Variants in TRIM44 observed in about 807,000 individuals in gnomAD.
The protein encoded by TRIM44 is tripartite motif-containing protein 44.
In TRIM44, 13 loss-of-function variants were observed where a neutral mutation model predicts 37.4. The observed-to-expected ratio is 0.35, with a 90% CI of 0.23 to 0.55. The LOEUF is 0.55. Ranked by LOEUF, TRIM44 falls within the 20% of genes least tolerant of loss-of-function variation. The pLI is 0.89. For missense variants in TRIM44, 426 were observed against 437.2 expected (o/e 0.97, Z 0.23); for synonymous variants, 175 against 157.2 (o/e 1.11, Z -0.85).
chr11:35,793,273 C>A (rs1853240999), intron 4 of TRIM44, among the ~76,000 whole-genome samples: 1 of 152,064 alleles, frequency 6.6e-6, no homozygotes, highest in African/African-American at 2.4e-5. Flanking sequence ...ACGTGTAATC[C>A]CAGCACTTTG....
At chr11:35,699,363 C>G (rs1455832261) in intron 2 of TRIM44, among the ~76,000 whole-genome samples, 1 of 152,148 alleles carries the variant, frequency 6.6e-6, no homozygotes, top group Non-Finnish European at 1.5e-5. Flanking sequence ...ACATGATTAT[C>G]TCAATAGTTA....
At chr11:35,726,949 C>T (rs1852182567) in intron 3 of TRIM44, among the ~76,000 whole-genome samples, 1 of 151,486 alleles carries the variant, frequency 6.6e-6, no homozygotes, top group South Asian at 2.1e-4. Context: ...TGCTTGAGTC[C>T]AGGAGTTTGA....
At chr11:35,665,180 T>G (rs1851317508) in intron 1 of TRIM44, among the ~76,000 whole-genome samples, 1 of 152,146 alleles carries the variant, frequency 6.6e-6, no homozygotes, top group African/African-American at 2.4e-5. Context: ...TTACAAACAA[T>G]GTCAGTGTAA....
chr11:35,778,057 A>T (rs952181253), intron 4 of TRIM44, among the ~76,000 whole-genome samples: 3 of 152,204 alleles, frequency 2.0e-5, no homozygotes, highest in African/African-American at 2.4e-5. Context: ...GTGTTTTCCA[A>T]CTTGGTTCCA....
At position 35,817,918 on chromosome 11, in the gene TRIM44, GA is replaced by G. The variant is rs1226353674; in HGVS notation, c.*11535del. The G allele has an allele frequency of 1.3e-5, 2 of 152,152 alleles. No individual in the cohort carries two copies. The highest frequency in any genetic ancestry group is 2.9e-5 in the Non-Finnish European group (2 of 68,038). The allele number at this position is 152,152 out of a possible 1,614,324, so 9.4% of individuals were successfully genotyped here. ...CTTCCACCATGATTGTAAGTTTCCT[GA>G]AGCCTCCCTAGAAGCTGAGCAGATG... On this transcript the variant is annotated 3_prime_UTR_variant, in exon 5 of 5. Coordinates refer to ENST00000299413, the MANE Select transcript of TRIM44 (RefSeq NM_017583.6).
chr11:35,731,851 A>G (rs975171849), intron 3 of TRIM44, among the ~76,000 whole-genome samples: 1 of 152,110 alleles, frequency 6.6e-6, no homozygotes, highest in African/African-American at 2.4e-5. Context: ...AACTTGAAAC[A>G]TATTTGTACT....
At position 35,730,879 on chromosome 11, in the gene TRIM44, G is replaced by T. The variant is rs555934814; in HGVS notation, c.988-4547G>T. Among the ~76,000 whole-genome samples the T allele has an allele frequency of 1.7e-3, 247 of 145,484 alleles. 2 individuals carry two copies. The highest frequency in any genetic ancestry group is 6.1e-3 in the African/African-American group (237 of 39,106). ...TTTTTTTTTTTTTTTTGAGACGGAG[G>T]TTTGCTGTCGCCCAGGCTGGAGTGC... On this transcript the variant is annotated intron_variant, in intron 3 of 4. Coordinates refer to ENST00000299413, the MANE Select transcript of TRIM44 (RefSeq NM_017583.6).
At chr11:35,785,183 C>T (rs969938012) in intron 4 of TRIM44, among the ~76,000 whole-genome samples, 1 of 152,196 alleles carries the variant, frequency 6.6e-6, no homozygotes, top group East Asian at 1.9e-4. Context: ...AATCTGACTT[C>T]CATATTCTCC....
At chr11:35,785,241 G>A (rs558942541) in intron 4 of TRIM44, among the ~76,000 whole-genome samples, 1 of 152,320 alleles carries the variant, frequency 6.6e-6, no homozygotes, top group South Asian at 2.1e-4. Flanking sequence ...TCACCTAAAA[G>A]AAAACAGCAA....
At chr11:35,729,388 G>A (rs949997123) in intron 3 of TRIM44, among the ~76,000 whole-genome samples, 1 of 152,088 alleles carries the variant, frequency 6.6e-6, no homozygotes, top group African/African-American at 2.4e-5. Context: ...AGTAATGAGT[G>A]GAACCCATCT....
intron 2 of TRIM44, among the ~76,000 whole-genome samples, chr11:35,690,259 C>T (rs1158519636): frequency 6.6e-6 from 1 of 151,952 alleles, no homozygotes; most frequent in Non-Finnish European, 1.5e-5. Flanking sequence ...TTTTTTATTT[C>T]AGCATTTATG....
intron 4 of TRIM44, among the ~76,000 whole-genome samples, chr11:35,800,596 C>G (rs1011642762): frequency 6.6e-6 from 1 of 152,216 alleles, no homozygotes; most frequent in Non-Finnish European, 1.5e-5. Flanking sequence ...CAACTTCCCA[C>G]TCGACCCAGG....
At chr11:35,718,682 G>C (rs1852066048) in intron 2 of TRIM44, among the ~76,000 whole-genome samples, 1 of 152,024 alleles carries the variant, frequency 6.6e-6, no homozygotes, top group Non-Finnish European at 1.5e-5. Context: ...ATACAGAGTA[G>C]TTTCACTGCC....
At chr11:35,778,434 C>A (rs550444460) in intron 4 of TRIM44, among the ~76,000 whole-genome samples, 83 of 152,106 alleles carry the variant, frequency 5.5e-4, no homozygotes, top group Middle Eastern at 3.4e-3. Flanking sequence ...TTTGTTATTA[C>A]CAATCGTCTG....
At chr11:35,797,416 CTT>C (rs896326250) in intron 4 of TRIM44, among the ~76,000 whole-genome samples, 62 of 152,184 alleles carry the variant, frequency 4.1e-4, no homozygotes, top group Non-Finnish European at 1.6e-4. Flanking sequence ...ACTCCTCACT[CTT>C]TAAGTATAGG....
At chr11:35,761,386 T>G (rs1406826309) in intron 4 of TRIM44, among the ~76,000 whole-genome samples, 11 of 71,816 alleles carry the variant, frequency 1.5e-4, no homozygotes, top group Admixed American at 3.9e-4. Context: ...GTTGTATTGT[T>G]TGCTCTCTCT....
Position 35,678,267 on chromosome 11 carries a change from G to A in TRIM44, c.670-6992G>A, listed in dbSNP as rs779806338. 3.3e-5 allele frequency among the ~76,000 whole-genome samples: 5 copies of A among 152,074 alleles called. No individual in the cohort carries two copies. In the East Asian group the frequency reaches 7.7e-4, roughly 23 times the overall value. On this transcript the variant is annotated intron_variant, in intron 1 of 4. Coordinates refer to ENST00000299413, the MANE Select transcript of TRIM44 (RefSeq NM_017583.6). ...GCTGTTGGGTAGCAAGAGTGGGAGC[G>A]GTATTGCTGCTTGTACCAGGTTGGG...
chr11:35,713,273 A>G (rs934313032), intron 2 of TRIM44, among the ~76,000 whole-genome samples: 3 of 152,156 alleles, frequency 2.0e-5, no homozygotes, highest in Non-Finnish European at 4.4e-5. Context: ...CCTACTTCCT[A>G]ACTCAGCCCA....
intron 3 of TRIM44, among the ~76,000 whole-genome samples, chr11:35,734,277 G>A (rs1018059990): frequency 1.3e-5 from 2 of 152,090 alleles, no homozygotes; most frequent in African/African-American, 4.8e-5. Context: ...CTGTGTCACA[G>A]GCACTGTGTT....
Sources: gnomAD v4.1 joint callset for allele counts (sites outside exome capture counted in the v4.1 genomes callset) on GRCh38, gnomAD v4.1.1 for gene constraint, MANE v1.5 for transcripts, NCBI Gene and HGNC (gene_info 2026-07-23, HGNC 2026-07-21) for gene names.